VPS13A: variants seen among roughly 807,000 people sequenced by gnomAD.
The protein encoded by VPS13A is intermembrane lipid transfer protein VPS13A.
Under a neutral mutation model 390.9 loss-of-function variants are expected in VPS13A, and 264 were observed. The observed-to-expected ratio is 0.68, with a 90% CI of 0.61 to 0.75. The LOEUF (loss-of-function observed/expected upper bound fraction) is 0.75, where lower values mean the gene tolerates loss of function less well. Among genes scored for constraint, VPS13A ranks in the 30% least tolerant of loss-of-function variants. The pLI is 0.00. For missense variants in VPS13A, 3,409 were observed against 3,733.9 expected, an observed-to-expected ratio of 0.91 and a Z score of 2.27; for synonymous variants, 1,231 against 1,227.1, an observed-to-expected ratio of 1.00 and a Z score of -0.07.
Position 77,329,037 on chromosome 9 carries a change from G to A in VPS13A, c.5992-2973G>A, listed in dbSNP as rs150485114. On this transcript the variant is annotated intron_variant, in intron 45 of 71. Coordinates refer to ENST00000360280, the MANE Select transcript of VPS13A (RefSeq NM_033305.3). ...CACACTTACAAGACCATCAGATCTCGTGAGAACTCATTCACCATCACGAGA... is the reference window on the plus strand; with the variant it reads ...CACACTTACAAGACCATCAGATCTCATGAGAACTCATTCACCATCACGAGA... 3.2e-3 allele frequency among the ~76,000 whole-genome samples: 490 copies of A among 152,206 alleles called. 2 individuals are homozygous for A. Among genetic ancestry groups the A allele is most frequent in the Non-Finnish European group, 5.7e-3 (389 of 68,012 alleles).
intron 10 of VPS13A, among the ~76,000 whole-genome samples, chr9:77,219,372 T>A (rs1823051604): frequency 6.6e-6 from 1 of 152,204 alleles, no homozygotes; most frequent in African/African-American, 2.4e-5. Context: ...GATTCTGCTA[T>A]TACTGGTCTT....
chr9:77,177,865 G>T, intron 1 of VPS13A, 61 bp downstream of exon 1: 1 of 1,490,838 alleles, frequency 6.7e-7, no homozygotes, highest in South Asian at 1.2e-5. Flanking sequence ...CTCGCTGCCC[G>T]AGCGGCGTCC....
intron 22 of VPS13A, among the ~76,000 whole-genome samples, chr9:77,259,880 T>C (rs1288018260): frequency 6.6e-6 from 1 of 152,150 alleles, no homozygotes; most frequent in East Asian, 1.9e-4. Context: ...GGACATTACA[T>C]GAAATAAGAA....
intron 67 of VPS13A, among the ~76,000 whole-genome samples, chr9:77,373,076 A>T (rs1030727959): frequency 6.6e-6 from 1 of 152,176 alleles, no homozygotes; most frequent in Non-Finnish European, 1.5e-5. Flanking sequence ...TAATTTACAG[A>T]TTCAGTGCTA....
At position 77,360,651 on chromosome 9, in the gene VPS13A, A is replaced by T; in HGVS notation, c.8211+10A>T. The T allele has an allele frequency of 1.3e-6, 2 of 1,565,272 alleles. No homozygotes were observed. The highest frequency in any genetic ancestry group is 8.8e-7 in the Non-Finnish European group (1 of 1,136,320). Reference sequence around the variant, plus strand: ...GACTGAAAATACAGAGGTAAGACTTAAAATAATAACATTTGATGGAAAGGA... The same window carrying T: ...GACTGAAAATACAGAGGTAAGACTTTAAATAATAACATTTGATGGAAAGGA... On this transcript the variant is annotated intron_variant, in intron 59 of 71. Transcript: ENST00000360280.
chr9:77,329,858 C>T (rs1337332763), intron 45 of VPS13A, among the ~76,000 whole-genome samples: 2 of 152,174 alleles, frequency 1.3e-5, no homozygotes, highest in Non-Finnish European at 2.9e-5. Context: ...CCCACAGTTA[C>T]ACAGCTAGTA....
chr9:77,280,173 C>G lies in VPS13A; in HGVS notation c.2839C>G (p.Pro947Ala). The part of the protein sequence containing the change: ...CPEYLDENKK[P>A]VYLVTTLDNT... ...ATTATTTTTAGATGAAAACAAGAAA[C>G]CAGTTTATTTGGTTACAACCCTGGA... Residue 947 changes from proline to alanine, a missense_variant, in exon 27 of 72, where the codon CCA becomes GCA. Coordinates refer to ENST00000360280, the MANE Select transcript of VPS13A (RefSeq NM_033305.3). The G allele has an allele frequency of 6.2e-7, 1 of 1,609,854 alleles. No individual in the cohort carries two copies. Among genetic ancestry groups the G allele is most frequent in the Non-Finnish European group, 8.5e-7 (1 of 1,178,026 alleles).
intron 59 of VPS13A, among the ~76,000 whole-genome samples, chr9:77,365,135 A>G (rs1832365393): frequency 6.6e-6 from 1 of 152,234 alleles, no homozygotes; most frequent in Non-Finnish European, 1.5e-5. Flanking sequence ...TGACTGTATG[A>G]TTATGTTTAA....
intron 27 of VPS13A, among the ~76,000 whole-genome samples, chr9:77,281,131 G>T (rs1827000396): frequency 6.6e-6 from 1 of 152,062 alleles, no homozygotes; most frequent in Non-Finnish European, 1.5e-5. Flanking sequence ...AGGGTAGCAG[G>T]GATGGGAGGG....
intron 68 of VPS13A, chr9:77,382,977 A>G (rs985930705): frequency 1.0e-6 from 1 of 985,154 alleles, no homozygotes; most frequent in Non-Finnish European, 1.2e-6. Context: ...GAGGTGGAAT[A>G]CTAAATTAAA....
chr9:77,336,182 ATCACTCCCTGGGGCCTGTTGTGG>A (rs941367782), intron 46 of VPS13A, among the ~76,000 whole-genome samples: 2 of 152,110 alleles, frequency 1.3e-5, no homozygotes, highest in African/African-American at 4.8e-5. Flanking sequence ...GGAGGGGAAC[ATCACTCCCTGGGGCCTGTTGTGG>A]GGTGAGGCGC....
intron 68 of VPS13A, chr9:77,382,418 C>A (rs931741150): frequency 4.9e-6 from 7 of 1,422,354 alleles, no homozygotes. Flanking sequence ...GTATTGGTAA[C>A]TTTTAATAGG....
chr9:77,294,575 G>A (rs775437815), intron 32 of VPS13A, among the ~76,000 whole-genome samples: 12 of 152,150 alleles, frequency 7.9e-5, no homozygotes, highest in Non-Finnish European at 1.5e-4. Flanking sequence ...GGAATGTGGA[G>A]CCCTCTTTTG....
intron 23 of VPS13A, among the ~76,000 whole-genome samples, chr9:77,263,561 T>TCA (rs976033855): frequency 1.9e-4 from 29 of 152,356 alleles, no homozygotes; most frequent in Middle Eastern, 3.4e-3. Flanking sequence ...AAGTGTCTGT[T>TCA]CATATCCTTC....
rs1316877615 is a variant in VPS13A, at chr9:77,226,359, A to T, written c.1225-107A>T. On this transcript the variant is annotated intron_variant, in intron 14 of 71. Coordinates refer to ENST00000360280, the MANE Select transcript of VPS13A (RefSeq NM_033305.3). ...TGTTATTAATGTGTATATTGTTTACATTCATTTTGCTCAAGAGGATAAGTT... is the reference window on the plus strand; with the variant it reads ...TGTTATTAATGTGTATATTGTTTACTTTCATTTTGCTCAAGAGGATAAGTT... The T allele has an allele frequency of 3.8e-6, 4 of 1,048,728 alleles. No homozygotes were observed. In the African/African-American group the frequency reaches 4.8e-5, roughly 12 times the overall value. The allele number at this position is 1,048,728 out of a possible 1,614,324, so 65.0% of individuals were successfully genotyped here. A position where few individuals can be genotyped will look rare whatever the true frequency, so the allele number is the denominator to read the frequency against.
intron 67 of VPS13A, among the ~76,000 whole-genome samples, chr9:77,374,465 TG>T (rs1251175297): frequency 6.6e-6 from 1 of 152,160 alleles, no homozygotes; most frequent in African/African-American, 2.4e-5. Context: ...ATGGATATGC[TG>T]GACAGAGGGA....
chr9:77,221,430 C>A, intron 13 of VPS13A, 74 bp downstream of exon 13: 1 of 1,500,258 alleles, frequency 6.7e-7, no homozygotes, highest in Non-Finnish European at 9.2e-7. Flanking sequence ...GACTGATACT[C>A]CCTACCTTTC....
At chr9:77,241,000 C>T (rs1824455239) in intron 19 of VPS13A, among the ~76,000 whole-genome samples, 1 of 151,984 alleles carries the variant, frequency 6.6e-6, no homozygotes, top group South Asian at 2.1e-4. Context: ...GTGTATCCAG[C>T]TATAGATTTG....
chr9:77,310,678 G>C (rs144849656), intron 35 of VPS13A, among the ~76,000 whole-genome samples: 34 of 152,220 alleles, frequency 2.2e-4, no homozygotes, highest in African/African-American at 7.7e-4. Context: ...AAATAAAAAA[G>C]TAAATGTTAT....
Sources: allele counts gnomAD v4.1 joint callset (sites outside exome capture counted in the v4.1 genomes callset), GRCh38; gene constraint gnomAD v4.1.1; transcripts MANE v1.5; gene names NCBI Gene and HGNC (gene_info 2026-07-23, HGNC 2026-07-21).